Variants in TOX observed in about 807,000 individuals in gnomAD.
The protein encoded by TOX is thymocyte selection-associated high mobility group box protein TOX.
In TOX, 11 loss-of-function variants were observed where a neutral mutation model predicts 53.7. The ratio of observed to expected loss-of-function variants is 0.20; its 90% CI spans 0.13 to 0.34. TOX has a LOEUF of 0.34. TOX is among the 10% of genes least tolerant of loss of function. The pLI, the probability that TOX is intolerant of heterozygous loss-of-function variation, is 1.00. For missense variants in TOX, 570 were observed against 664.6 expected, an observed-to-expected ratio of 0.86 and a Z score of 1.56; for synonymous variants, 225 against 245.3, an observed-to-expected ratio of 0.92 and a Z score of 0.77.
At chr8:58,899,704 T>C (rs1164347772) in intron 3 of TOX, among the ~76,000 whole-genome samples, 1 of 152,162 alleles carries the variant, frequency 6.6e-6, no homozygotes, top group African/African-American at 2.4e-5. Flanking sequence ...ACTTTTTGAG[T>C]GCTGAAACAA....
At chr8:59,029,733 T>C (rs1269598820) in intron 1 of TOX, among the ~76,000 whole-genome samples, 1 of 152,170 alleles carries the variant, frequency 6.6e-6, no homozygotes, top group East Asian at 1.9e-4. Context: ...CTCGATGGAA[T>C]CCAGCCAAGA....
At chr8:59,010,447 T>C (rs981722341) in intron 1 of TOX, among the ~76,000 whole-genome samples, 2 of 152,134 alleles carry the variant, frequency 1.3e-5, no homozygotes, top group Non-Finnish European at 2.9e-5. Flanking sequence ...ATTTTAAGAG[T>C]GACGAGGCCA....
chr8:58,974,787 C>G (rs1392659765), intron 1 of TOX, among the ~76,000 whole-genome samples: 1 of 152,068 alleles, frequency 6.6e-6, no homozygotes, highest in East Asian at 1.9e-4. Context: ...TTCTATTTAT[C>G]CTTTCATGCG....
chr8:58,887,784 T>C (rs1232948427), intron 3 of TOX, among the ~76,000 whole-genome samples: 1 of 152,072 alleles, frequency 6.6e-6, no homozygotes, highest in African/African-American at 2.4e-5. Flanking sequence ...TTAAACTTTT[T>C]AATTTGGTTT....
chr8:59,059,789 T>C (rs536275315), intron 1 of TOX, among the ~76,000 whole-genome samples: 1 of 152,304 alleles, frequency 6.6e-6, no homozygotes, highest in Admixed American at 6.5e-5. Flanking sequence ...CTTTGTGGCA[T>C]TGTTTCAAAA....
rs148800261 is a variant in TOX at position 59,021,463 on chromosome 8, C to CAA, written c.103-61457_103-61456dup. On this transcript the variant is annotated intron_variant, in intron 1 of 8. Transcript: ENST00000361421. Reference sequence around the variant, plus strand: ...GCCAGGCAACAGGTTTTTCTACAAGCAAAAAAAAAAAAAAAAAAATATATA... The same window carrying CAA: ...GCCAGGCAACAGGTTTTTCTACAAGCAAAAAAAAAAAAAAAAAAAAATATATA... Among the ~76,000 whole-genome samples, 179 of 69,652 alleles carry CAA rather than the reference C, an allele frequency of 2.6e-3. 7 individuals carry two copies. The highest frequency in any genetic ancestry group is 0.014 in the Middle Eastern group (2 of 148). 45.7% of individuals were successfully genotyped at this position (69,652 alleles called of 152,430 possible).
chr8:58,993,506 T>A (rs888806155), intron 1 of TOX, among the ~76,000 whole-genome samples: 2 of 152,196 alleles, frequency 1.3e-5, no homozygotes, highest in African/African-American at 4.8e-5. Flanking sequence ...CTCATCTACA[T>A]GGTACAGGAA....
intron 1 of TOX, among the ~76,000 whole-genome samples, chr8:59,082,731 G>A (rs917134771): frequency 2.0e-5 from 3 of 152,164 alleles, no homozygotes; most frequent in South Asian, 2.1e-4. Flanking sequence ...ATACCATTGA[G>A]AAGTTGTATG....
intron 4 of TOX, among the ~76,000 whole-genome samples, chr8:58,839,272 G>A (rs1810603022): frequency 6.6e-6 from 1 of 152,208 alleles, no homozygotes; most frequent in South Asian, 2.1e-4. Flanking sequence ...TGTGGCTAGA[G>A]TTAATCAGGA....
At chr8:59,102,970 G>T (rs1006716447) in intron 1 of TOX, among the ~76,000 whole-genome samples, 1 of 151,916 alleles carries the variant, frequency 6.6e-6, no homozygotes, top group East Asian at 1.9e-4. Context: ...TTCATGTTAG[G>T]TTTTCTATTA....
intron 1 of TOX, among the ~76,000 whole-genome samples, chr8:59,041,955 C>A (rs1803595319): frequency 6.6e-6 from 1 of 152,160 alleles, no homozygotes; most frequent in Admixed American, 6.5e-5. Context: ...GTTTTCCTTG[C>A]ATTAATGTGC....
chr8:58,814,437 C>G (rs1810138339), intron 7 of TOX: 1 of 151,982 alleles, frequency 6.6e-6, no homozygotes, highest in African/African-American at 2.4e-5. Flanking sequence ...TAAAAGATTG[C>G]CAGTGTCAAT....
chr8:59,040,420 A>T (rs920099843), intron 1 of TOX, among the ~76,000 whole-genome samples: 3 of 152,002 alleles, frequency 2.0e-5, no homozygotes, highest in African/African-American at 7.2e-5. Flanking sequence ...ATCAGCAGCA[A>T]CTATTGAGCC....
Position 58,965,894 on chromosome 8 carries a change from G to GCTTT in TOX, c.103-5887_103-5886insAAAG, listed in dbSNP as rs1374766431. On this transcript the variant is annotated intron_variant, in intron 1 of 8. Coordinates refer to ENST00000361421, the MANE Select transcript of TOX (RefSeq NM_014729.3). ...GCCCAGTATAAGATTACGAGTCATC[G>GCTTT]TTTTTTTTTTTTTTTTTTTTTTTTT... Among the ~76,000 whole-genome samples the GCTTT allele has an allele frequency of 8.3e-4, 41 of 49,626 alleles. 2 individuals are homozygous for GCTTT. Among genetic ancestry groups the GCTTT allele is most frequent in the African/African-American group, 3.0e-3 (39 of 13,048 alleles). 32.6% of individuals were successfully genotyped at this position (49,626 alleles called of 152,430 possible).
intron 4 of TOX, among the ~76,000 whole-genome samples, chr8:58,842,786 T>C (rs918460449): frequency 6.6e-6 from 1 of 152,338 alleles, no homozygotes; most frequent in Admixed American, 6.5e-5. Flanking sequence ...AGTTATCATT[T>C]TGAGGCAATG....
intron 1 of TOX, among the ~76,000 whole-genome samples, chr8:59,089,560 C>T (rs758624449): frequency 3.3e-5 from 5 of 152,306 alleles, no homozygotes; most frequent in East Asian, 3.9e-4. Context: ...AGGGAAAAAA[C>T]GCAAGGCTGA....
At chr8:59,042,922 T>C (rs1276422138) in intron 1 of TOX, among the ~76,000 whole-genome samples, 5 of 139,118 alleles carry the variant, frequency 3.6e-5, no homozygotes, top group South Asian at 2.2e-4. Flanking sequence ...ATTAGTCACC[T>C]CACATAGCAT....
At chr8:59,083,123 C>T (rs1478252304) in intron 1 of TOX, among the ~76,000 whole-genome samples, 1 of 151,954 alleles carries the variant, frequency 6.6e-6, no homozygotes, top group African/African-American at 2.4e-5. Context: ...GAAAGGAATC[C>T]CAAGAAGAGT....
intron 1 of TOX, among the ~76,000 whole-genome samples, chr8:59,069,315 G>A (rs145233112): frequency 3.3e-5 from 5 of 152,272 alleles, no homozygotes; most frequent in East Asian, 1.9e-4. Context: ...GGCTGGGGTC[G>A]CCAGGTAATT....
Sources: allele counts gnomAD v4.1 joint callset (sites outside exome capture counted in the v4.1 genomes callset), GRCh38; gene constraint gnomAD v4.1.1; transcripts MANE v1.5; gene names NCBI Gene and HGNC (gene_info 2026-07-23, HGNC 2026-07-21).